GSK3B: variants seen among roughly 807,000 people sequenced by gnomAD.
GSK3B encodes the protein glycogen synthase kinase 3 beta, also known as glycogen synthase kinase-3 beta.
Under a neutral mutation model 56.4 loss-of-function variants are expected in GSK3B, and 15 were observed. That is an observed-to-expected ratio of 0.27 (90% CI 0.18 to 0.41). The LOEUF is 0.41. Among genes scored for constraint, GSK3B ranks in the 10% least tolerant of loss-of-function variants. The pLI is 1.00. For missense variants in GSK3B, 300 were observed against 513.4 expected (o/e 0.58, Z 4.02); for synonymous variants, 181 against 188.9 (o/e 0.96, Z 0.34).
chr3:119,983,713 C>A (rs1403618916), intron 2 of GSK3B, among the ~76,000 whole-genome samples: 1 of 152,078 alleles, frequency 6.6e-6, no homozygotes, highest in African/African-American at 2.4e-5. Flanking sequence ...TAAAGCAAGT[C>A]CTTGGAGACC....
chr3:119,881,530 G>C (rs2056379101), intron 7 of GSK3B, among the ~76,000 whole-genome samples: 3 of 152,118 alleles, frequency 2.0e-5, no homozygotes. Flanking sequence ...GCCCACTCTT[G>C]AATCAGTATT....
intron 1 of GSK3B, among the ~76,000 whole-genome samples, chr3:120,019,744 G>A (rs1399884342): frequency 6.6e-6 from 1 of 152,188 alleles, no homozygotes; most frequent in Admixed American, 6.5e-5. Flanking sequence ...ACTCCCGCAA[G>A]TCTCTACGCC....
At chr3:119,973,585 A>G (rs2057386259) in intron 2 of GSK3B, among the ~76,000 whole-genome samples, 1 of 152,212 alleles carries the variant, frequency 6.6e-6, no homozygotes, top group Admixed American at 6.5e-5. Flanking sequence ...TCATGTAGGC[A>G]TTTTATCATC....
chr3:120,048,103 CCGTTA>C (rs1272532690), intron 1 of GSK3B, among the ~76,000 whole-genome samples: 1 of 152,108 alleles, frequency 6.6e-6, no homozygotes, highest in Non-Finnish European at 1.5e-5. Flanking sequence ...ATGTCTAGAA[CCGTTA>C]AAGCCAATCA....
At chr3:120,008,318 T>G (rs1395384061) in intron 1 of GSK3B, among the ~76,000 whole-genome samples, 1 of 150,014 alleles carries the variant, frequency 6.7e-6, no homozygotes. Flanking sequence ...AAGTAATTTA[T>G]AGCTACCACT....
intron 1 of GSK3B, among the ~76,000 whole-genome samples, chr3:120,051,896 C>T (rs1324570522): frequency 6.6e-6 from 1 of 151,786 alleles, no homozygotes; most frequent in Admixed American, 6.6e-5. Flanking sequence ...AATTTAACAA[C>T]AAGGTCTTTT....
chr3:119,970,994 TA>T lies in GSK3B; in HGVS notation c.283-23644del, dbSNP rs1191306878. Among the ~76,000 whole-genome samples, 6 of 152,318 alleles carry T rather than the reference TA, an allele frequency of 3.9e-5. No individual in the cohort carries two copies. In the Middle Eastern group the frequency reaches 0.01, roughly 259 times the overall value. Reference sequence around the variant, plus strand: ...TCTCCCACATTAAGAAGCATATTTTTAAAATAACTGCATAGATTCCACTGTA... The same window carrying T: ...TCTCCCACATTAAGAAGCATATTTTTAAATAACTGCATAGATTCCACTGTA... On this transcript the variant is annotated intron_variant, in intron 2 of 10. Transcript: ENST00000264235.
chr3:120,079,891 A>G (rs2058403631), intron 1 of GSK3B, among the ~76,000 whole-genome samples: 1 of 152,226 alleles, frequency 6.6e-6, no homozygotes, highest in African/African-American at 2.4e-5. Context: ...CCAGCCAAAC[A>G]TCTCACAATG....
intron 1 of GSK3B, among the ~76,000 whole-genome samples, chr3:120,082,461 A>G (rs2058428924): frequency 7.0e-6 from 1 of 142,924 alleles, no homozygotes; most frequent in East Asian, 2.1e-4. Context: ...CAGTGGCACA[A>G]TCTCGGCTCA....
In GSK3B at chr3:120,093,387, C is replaced by G. The variant is rs753409985; in HGVS notation, c.48G>C (p.Pro16=). Residue 16 remains proline (P), a synonymous_variant, in exon 1 of 11, where the codon CCG becomes CCC. Transcript: ENST00000264235. ...TGCCAAAAGCTGAAGGCTGCTGCAC[C>G]GGCTTGCAGCTCTCCGCAAAGGAGG... ...RTTSFAESCK[P]VQQPSAFGSM... is the part of the protein sequence containing the mutation. 11 of 1,613,640 alleles carry G rather than the reference C, an allele frequency of 6.8e-6. No homozygotes were observed. Among genetic ancestry groups the G allele is most frequent in the South Asian group, 1.1e-5 (1 of 91,072 alleles).
At chr3:120,020,781 T>G (rs192369695) in intron 1 of GSK3B, among the ~76,000 whole-genome samples, 314 of 152,314 alleles carry the variant, frequency 2.1e-3, no homozygotes, top group Non-Finnish European at 1.9e-3. Context: ...AAAGCCCAGA[T>G]AGGCTGAAAG....
rs924260356 is a variant in GSK3B, at chr3:119,847,524, GA to G, written c.1097-4172del. 3.6e-4 allele frequency among the ~76,000 whole-genome samples: 54 copies of G among 149,362 alleles called. 1 individual carries two copies. Among genetic ancestry groups the G allele is most frequent in the Admixed American group, 3.5e-3 (53 of 14,956 alleles). The stretch of plus-strand genomic sequence containing the variant: ...AACAAACCCTACCAGTTTAACAGGG[GA>G]AAAAAAAACCCACATGACAAACCTA... On this transcript the variant is annotated intron_variant, in intron 9 of 10. Coordinates refer to ENST00000264235, the MANE Select transcript of GSK3B (RefSeq NM_001146156.2).
intron 1 of GSK3B, among the ~76,000 whole-genome samples, chr3:120,078,409 G>C (rs1040355763): frequency 6.6e-6 from 1 of 151,938 alleles, no homozygotes; most frequent in Non-Finnish European, 1.5e-5. Flanking sequence ...CTTTTCTAAC[G>C]ACCCAGGAAT....
At chr3:119,894,846 C>T (rs2056544882) in intron 7 of GSK3B, among the ~76,000 whole-genome samples, 1 of 151,970 alleles carries the variant, frequency 6.6e-6, no homozygotes, top group Non-Finnish European at 1.5e-5. Flanking sequence ...ATATCTGTTT[C>T]CTTCTAAGAG....
At position 119,947,160 on chromosome 3, in the gene GSK3B, AT is replaced by A. The variant is rs2057108676; in HGVS notation, c.366+107del. 6 of 708,944 alleles carry A rather than the reference AT, an allele frequency of 8.5e-6. No individual in the cohort carries two copies. In the South Asian group the frequency reaches 1.0e-4, roughly 12 times the overall value. 43.9% of individuals were successfully genotyped at this position (708,944 alleles called of 1,614,324 possible). ...GTATTGCTGGGGCAAGTGTTTCGGA[AT>A]TTTTCCATTCCATTAGCAAAACTGT... On this transcript the variant is annotated intron_variant, in intron 3 of 10. Transcript: ENST00000264235.
chr3:119,953,351 C>T (rs1168243874), intron 2 of GSK3B, among the ~76,000 whole-genome samples: 2 of 152,088 alleles, frequency 1.3e-5, no homozygotes, highest in Admixed American at 1.3e-4. Flanking sequence ...CTACATCACA[C>T]ACTACATAAA....
intron 1 of GSK3B, among the ~76,000 whole-genome samples, chr3:120,064,867 T>C (rs975410681): frequency 6.6e-6 from 1 of 152,162 alleles, no homozygotes; most frequent in Non-Finnish European, 1.5e-5. Context: ...GGTCAACTGA[T>C]GAGTAATAAG....
At chr3:119,917,631 T>C (rs2056794309) in intron 4 of GSK3B, among the ~76,000 whole-genome samples, 1 of 150,830 alleles carries the variant, frequency 6.6e-6, no homozygotes, top group Non-Finnish European at 1.5e-5. Context: ...GATGTCTAGG[T>C]CTGCAAGAAT....
chr3:119,868,071 T>A (rs2056205359), intron 8 of GSK3B, among the ~76,000 whole-genome samples: 7 of 115,808 alleles, frequency 6.0e-5, no homozygotes, highest in Admixed American at 1.6e-4. Flanking sequence ...CAAAAGTAAA[T>A]AAATAAAACA....
Sources: gnomAD v4.1 joint callset for allele counts (sites outside exome capture counted in the v4.1 genomes callset) on GRCh38, gnomAD v4.1.1 for gene constraint, MANE v1.5 for transcripts, NCBI Gene and HGNC (gene_info 2026-07-23, HGNC 2026-07-21) for gene names.